The following KIAA0513 variants were observed in gnomAD, a reference collection of about 807,000 sequenced individuals.
KIAA0513 encodes uncharacterized protein KIAA0513.
Under a neutral mutation model 56.5 loss-of-function variants are expected in KIAA0513, and 39 were observed. That is an observed-to-expected ratio of 0.69 (90% CI 0.53 to 0.90). The LOEUF (loss-of-function observed/expected upper bound fraction) is 0.90, where lower values mean the gene tolerates loss of function less well. Ranked by LOEUF, KIAA0513 falls within the 40% of genes least tolerant of loss-of-function variation. KIAA0513 has a pLI of 0.00. For synonymous variants in KIAA0513, 268 were observed against 215.6 expected (o/e 1.24, Z -2.13); for missense variants, 591 against 535.2 (o/e 1.10, Z -1.03).
chr16:85,091,324 C>T lies in KIAA0513; in HGVS notation c.*2999C>T, dbSNP rs940993823. On this transcript the variant is annotated 3_prime_UTR_variant, in exon 13 of 13. Coordinates refer to ENST00000683363, the MANE Select transcript of KIAA0513 (RefSeq NM_001388359.1). ...AGCAACATTGATGTCTAAGAGGGGCCGTGGTAATAGATTGCATCTGCCCTG... is the reference window on the plus strand; with the variant it reads ...AGCAACATTGATGTCTAAGAGGGGCTGTGGTAATAGATTGCATCTGCCCTG... 3 of 152,102 alleles carry T rather than the reference C, an allele frequency of 2.0e-5. No homozygotes were observed. The highest frequency in any genetic ancestry group is 4.8e-5 in the African/African-American group (2 of 41,392). The allele number at this position is 152,102 out of a possible 1,614,324, so 9.4% of individuals were successfully genotyped here. A position where few individuals can be genotyped will look rare whatever the true frequency, so the allele number is the denominator to read the frequency against.
At chr16:85,075,713 G>T in intron 4 of KIAA0513, 131 bp from the exon 5 acceptor site, 3 of 739,488 alleles carry the variant, frequency 4.1e-6, no homozygotes, top group Non-Finnish European at 7.2e-6. Flanking sequence ...TGGGGAGATT[G>T]TTTTGTGCAT....
In KIAA0513 at chr16:85,078,985, T is replaced by C. The variant is rs1490770849; in HGVS notation, c.884T>C (p.Leu295Pro). 1.2e-6 allele frequency: 2 copies of C among 1,614,124 alleles called. No homozygotes were observed. Among genetic ancestry groups the C allele is most frequent in the African/African-American group, 1.3e-5 (1 of 75,026 alleles). The change falls in exon 8 of 13, where the codon CTG becomes CCG. Residue 295 changes from leucine to proline, a missense_variant. Physicochemically the swap from Leu to Pro is moderately conservative, Grantham distance 98. Transcript: ENST00000683363. Reference sequence around the variant, plus strand: ...GAGAAGATCTACCTGTACACGCACCTGAAGCAACAGCCCATCTGGTAAGGC... The same window carrying C: ...GAGAAGATCTACCTGTACACGCACCCGAAGCAACAGCCCATCTGGTAAGGC... ...KGEKIYLYTHLKQQPIWHTLR... is the reference protein window; with the variant it reads ...KGEKIYLYTHPKQQPIWHTLR...
chr16:85,034,994 C>T (rs2143839996), intron 1 of KIAA0513, among the ~76,000 whole-genome samples: 1 of 152,304 alleles, frequency 6.6e-6, no homozygotes, highest in East Asian at 1.9e-4. Context: ...GGCGCTGGGC[C>T]CCTAAGCCCC....
At chr16:85,062,392 G>C (rs1170188290) in intron 1 of KIAA0513, among the ~76,000 whole-genome samples, 1 of 152,188 alleles carries the variant, frequency 6.6e-6, no homozygotes, top group African/African-American at 2.4e-5. Flanking sequence ...AGCCTAATTT[G>C]GTTGGTGGAA....
chr16:85,045,224 A>G (rs1348889179), intron 1 of KIAA0513, among the ~76,000 whole-genome samples: 1 of 152,224 alleles, frequency 6.6e-6, no homozygotes, highest in Non-Finnish European at 1.5e-5. Context: ...GTGCTGTGAA[A>G]GAGCAGGTGA....
intron 8 of KIAA0513, among the ~76,000 whole-genome samples, chr16:85,080,592 G>A (rs1053122243): frequency 5.3e-5 from 8 of 152,070 alleles, no homozygotes; most frequent in Admixed American, 4.6e-4. Flanking sequence ...TCAGGAGCTC[G>A]AGACCAGCCT....
chr16:85,077,595 G>C lies in KIAA0513; in HGVS notation c.745G>C (p.Glu249Gln). 6.2e-7 allele frequency: 1 copy of C among 1,613,790 alleles called. No homozygotes were observed. Among genetic ancestry groups the C allele is most frequent in the Non-Finnish European group, 8.5e-7 (1 of 1,179,836 alleles). Residue 249 changes from glutamate to glutamine, a missense_variant, in exon 6 of 13, where the codon GAG becomes CAG. Glu to Gln is a conservative substitution (Grantham distance 29). Coordinates refer to ENST00000683363, the MANE Select transcript of KIAA0513 (RefSeq NM_001388359.1). ...ENVKGFFGGL[E>Q]TKLKGPLARR... ...TGTCAAGGGCTTCTTCGGGGGGCTG[G>C]AGACCAAGCTGAAGGGGCCCCTGGC...
At chr16:85,048,167 C>A (rs576337246) in intron 1 of KIAA0513, among the ~76,000 whole-genome samples, 1 of 152,316 alleles carries the variant, frequency 6.6e-6, no homozygotes, top group African/African-American at 2.4e-5. Flanking sequence ...ATGCAGGATC[C>A]TGTGGGCCTC....
chr16:85,059,363 C>T (rs1211011329), intron 1 of KIAA0513, among the ~76,000 whole-genome samples: 2 of 152,190 alleles, frequency 1.3e-5, no homozygotes, highest in Non-Finnish European at 2.9e-5. Flanking sequence ...GGAACCACAA[C>T]TCTAGGTTAA....
chr16:85,075,926 G>T lies in KIAA0513; in HGVS notation c.574+12G>T, dbSNP rs1405317225. ...CTACTACCACATCGGTAAGACATGG[G>T]TGGGCTGATGTGGGGCTCACCTGAG... On this transcript the variant is annotated intron_variant, in intron 5 of 12. Coordinates refer to ENST00000683363, the MANE Select transcript of KIAA0513 (RefSeq NM_001388359.1). 2 of 1,584,438 alleles carry T rather than the reference G, an allele frequency of 1.3e-6. No individual in the cohort carries two copies. Among genetic ancestry groups the T allele is most frequent in the African/African-American group, 2.7e-5 (2 of 74,262 alleles).
intron 2 of KIAA0513, among the ~76,000 whole-genome samples, chr16:85,068,100 C>T (rs772801675): frequency 3.3e-5 from 5 of 152,168 alleles, no homozygotes; most frequent in Admixed American, 1.3e-4. Flanking sequence ...CGTTAGCCAC[C>T]GTACCCGGCT....
chr16:85,031,179 C>T (rs1035585635), intron 1 of KIAA0513, among the ~76,000 whole-genome samples: 2 of 152,120 alleles, frequency 1.3e-5, no homozygotes, highest in East Asian at 1.9e-4. Context: ...CAAAAGTAAT[C>T]GTTAGAAAGA....
At chr16:85,071,067 C>G (rs1413600791) in intron 2 of KIAA0513, among the ~76,000 whole-genome samples, 2 of 152,224 alleles carry the variant, frequency 1.3e-5, no homozygotes, top group Non-Finnish European at 2.9e-5. Context: ...GCCTTCTGCT[C>G]CATTTTTGAG....
chr16:85,075,546 T>G (rs2073643646), intron 4 of KIAA0513, among the ~76,000 whole-genome samples: 1 of 152,146 alleles, frequency 6.6e-6, no homozygotes. Context: ...AGGGCTGGCA[T>G]CTCATCCTGG....
intron 4 of KIAA0513, 66 bp downstream of exon 4, chr16:85,073,064 C>A: frequency 7.5e-7 from 1 of 1,339,554 alleles, no homozygotes; most frequent in Non-Finnish European, 1.1e-6. Context: ...GCCTCCCTCC[C>A]CACCCAGCCG....
rs780467555 is a variant in KIAA0513 at position 85,067,170 on chromosome 16, C to T, written c.99C>T (p.Asp33=). ...PLEAPPPVLQ[D]GDGSLGDGAS... is the part of the protein sequence containing the mutation. The stretch of plus-strand genomic sequence containing the variant: ...AGGCACCACCCCCTGTGCTGCAGGA[C>T]GGCGATGGCTCCCTGGGGGACGGTG... The change falls in exon 2 of 13, where the codon GAC becomes GAT. Residue 33 remains aspartate (D), a synonymous_variant. Coordinates refer to ENST00000683363, the MANE Select transcript of KIAA0513 (RefSeq NM_001388359.1). 65 of 1,614,022 alleles carry T rather than the reference C, an allele frequency of 4.0e-5. No individual in the cohort carries two copies. Among genetic ancestry groups the T allele is most frequent in the Admixed American group, 2.3e-4 (14 of 59,998 alleles).
chr16:85,046,977 T>A (rs2073180269), intron 1 of KIAA0513, among the ~76,000 whole-genome samples: 2 of 152,238 alleles, frequency 1.3e-5, no homozygotes, highest in South Asian at 4.1e-4. Context: ...GATATTCACC[T>A]TCTTTGTATG....
At chr16:85,034,173 GT>G (rs1337439429) in intron 1 of KIAA0513, among the ~76,000 whole-genome samples, 1 of 152,160 alleles carries the variant, frequency 6.6e-6, no homozygotes, top group Non-Finnish European at 1.5e-5. Flanking sequence ...GAGGTCAGGA[GT>G]TCGAGACCAG....
intron 4 of KIAA0513, 48 bp downstream of exon 4, chr16:85,073,046 C>G (rs758452312): frequency 6.8e-7 from 1 of 1,470,030 alleles, no homozygotes; most frequent in East Asian, 2.3e-5. Flanking sequence ...AGCTCCTCTT[C>G]CCTCCCTGCC....
Sources: gnomAD v4.1 joint callset for allele counts (sites outside exome capture counted in the v4.1 genomes callset) on GRCh38, gnomAD v4.1.1 for gene constraint, MANE v1.5 for transcripts, NCBI Gene and HGNC (gene_info 2026-07-23, HGNC 2026-07-21) for gene names.